The following ADAMTS12 variants were observed in gnomAD, a reference collection of about 807,000 sequenced individuals.
The protein encoded by ADAMTS12 is A disintegrin and metalloproteinase with thrombospondin motifs 12.
A neutral mutation model predicts 167.8 loss-of-function variants in ADAMTS12; 118 were observed. The observed-to-expected ratio is 0.70, with a 90% CI of 0.61 to 0.82. The LOEUF is 0.82. ADAMTS12 is among the 40% of genes least tolerant of loss of function. The pLI is 0.00. For missense variants in ADAMTS12, 1,916 were observed against 1,998.8 expected (o/e 0.96, Z 0.79); for synonymous variants, 704 against 716.9 (o/e 0.98, Z 0.29).
At chr5:33,712,036 G>C (rs577183298) in intron 3 of ADAMTS12, among the ~76,000 whole-genome samples, 1 of 152,222 alleles carries the variant, frequency 6.6e-6, no homozygotes, top group East Asian at 1.9e-4. Flanking sequence ...ACTCCTAAGT[G>C]ACTTTGTATA....
At chr5:33,540,944 C>T (rs1029791261) in intron 22 of ADAMTS12, among the ~76,000 whole-genome samples, 2 of 152,322 alleles carry the variant, frequency 1.3e-5, no homozygotes, top group African/African-American at 4.8e-5. Context: ...AGGATCGTAG[C>T]TCCTCACCAG....
chr5:33,596,109 T>G (rs745988975), intron 16 of ADAMTS12, 49 bp from the exon 17 acceptor site: 7 of 1,606,642 alleles, frequency 4.4e-6, no homozygotes, highest in Middle Eastern at 3.8e-4. Context: ...TGAGCCCACA[T>G]GCTCATGGTC....
chr5:33,560,867 T>C lies in ADAMTS12; in HGVS notation c.4125+160A>G, dbSNP rs1410999419. Among the ~76,000 whole-genome samples the C allele has an allele frequency of 2.7e-5, 4 of 147,454 alleles. No individual in the cohort carries two copies. The East Asian group carries it at 6.3e-4, about 23-fold the overall frequency. On this transcript the variant is annotated intron_variant, in intron 20 of 23. Transcript: ENST00000504830. Reference sequence around the variant, plus strand: ...CACACCAACATGACACATGTATACATATGTAACAAACCTGAACGTTGTGCA... The same window carrying C: ...CACACCAACATGACACATGTATACACATGTAACAAACCTGAACGTTGTGCA...
At chr5:33,583,736 A>C (rs547310735) in intron 18 of ADAMTS12, among the ~76,000 whole-genome samples, 27 of 152,340 alleles carry the variant, frequency 1.8e-4, no homozygotes, top group African/African-American at 6.3e-4. Flanking sequence ...CATTTCTCTG[A>C]TGATCAACGA....
chr5:33,539,089 G>A (rs1220782381), intron 22 of ADAMTS12, among the ~76,000 whole-genome samples: 4 of 152,084 alleles, frequency 2.6e-5, no homozygotes, highest in Non-Finnish European at 4.4e-5. Flanking sequence ...TTACAGGCAT[G>A]TACCACCATG....
chr5:33,885,393 C>T (rs931739536), intron 1 of ADAMTS12, among the ~76,000 whole-genome samples: 7 of 152,026 alleles, frequency 4.6e-5, no homozygotes, highest in Admixed American at 6.6e-5. Flanking sequence ...GTAGTTCCTC[C>T]GGGAGGCCGA....
chr5:33,643,604 A>C (rs1208212692), intron 9 of ADAMTS12, 134 bp from the exon 10 acceptor site: 1 of 749,818 alleles, frequency 1.3e-6, no homozygotes, highest in East Asian at 2.7e-5. Context: ...AGAGTGACAG[A>C]AAGCAATCAT....
chr5:33,881,892 A>C (rs78211086), intron 1 of ADAMTS12, among the ~76,000 whole-genome samples: 3,025 of 152,050 alleles, frequency 0.02, 52 homozygotes, highest in African/African-American at 0.045. Context: ...TTTAATTACA[A>C]AATCCCACTG....
At chr5:33,728,038 G>A (rs754044829) in intron 3 of ADAMTS12, among the ~76,000 whole-genome samples, 1 of 152,080 alleles carries the variant, frequency 6.6e-6, no homozygotes, top group South Asian at 2.1e-4. Context: ...CTAAGGAAAG[G>A]AACAAATATA....
At chr5:33,618,891 T>C (rs1050048042) in intron 14 of ADAMTS12, among the ~76,000 whole-genome samples, 1 of 152,058 alleles carries the variant, frequency 6.6e-6, no homozygotes, top group African/African-American at 2.4e-5. Context: ...ATCTTCAACG[T>C]TGTAATCCTT....
intron 2 of ADAMTS12, among the ~76,000 whole-genome samples, chr5:33,770,352 C>G (rs1745691629): frequency 6.6e-6 from 1 of 151,956 alleles, no homozygotes; most frequent in East Asian, 1.9e-4. Context: ...TCCATTTTTT[C>G]TCACTATTTA....
intron 20 of ADAMTS12, among the ~76,000 whole-genome samples, chr5:33,551,191 G>A (rs1268989189): frequency 6.6e-6 from 1 of 152,086 alleles, no homozygotes; most frequent in African/African-American, 2.4e-5. Flanking sequence ...AGTAGACATA[G>A]ACCCCAAATA....
At chr5:33,621,322 C>T (rs1028607754) in intron 14 of ADAMTS12, among the ~76,000 whole-genome samples, 6 of 150,760 alleles carry the variant, frequency 4.0e-5, no homozygotes, top group African/African-American at 1.5e-4. Flanking sequence ...ATTGCTTGAA[C>T]CCAGGAGGCA....
rs779484595 is a variant in ADAMTS12, at chr5:33,643,364, G to T, written c.1572+14C>A. On this transcript the variant is annotated intron_variant, in intron 10 of 23. Transcript: ENST00000504830. ...CACCGCCCTCCCACCTCATTCCTCGGCCTGACGCATCACCTTCTTCTCACC... is the reference window on the plus strand; with the variant it reads ...CACCGCCCTCCCACCTCATTCCTCGTCCTGACGCATCACCTTCTTCTCACC... 6.2e-7 allele frequency: 1 copy of T among 1,613,746 alleles called. No homozygotes were observed. The highest frequency in any genetic ancestry group is 2.2e-5 in the East Asian group (1 of 44,862).
chr5:33,849,437 AAT>A (rs528795462), intron 2 of ADAMTS12, among the ~76,000 whole-genome samples: 2,373 of 71,880 alleles, frequency 0.033, 154 homozygotes, highest in East Asian at 0.17. Flanking sequence ...ATTGAATAGC[AAT>A]ATATATATGT....
chr5:33,568,090 T>A (rs1336828057), intron 19 of ADAMTS12, among the ~76,000 whole-genome samples: 1 of 152,228 alleles, frequency 6.6e-6, no homozygotes, highest in Admixed American at 6.5e-5. Flanking sequence ...AAATCATGCT[T>A]GTAAAGCCTG....
intron 2 of ADAMTS12, among the ~76,000 whole-genome samples, chr5:33,839,742 A>T (rs1748673212): frequency 6.6e-6 from 1 of 152,130 alleles, no homozygotes; most frequent in South Asian, 2.1e-4. Context: ...GCCCACTCAA[A>T]AAGGTTGTAT....
At chr5:33,839,116 C>T (rs1164781113) in intron 2 of ADAMTS12, among the ~76,000 whole-genome samples, 1 of 152,174 alleles carries the variant, frequency 6.6e-6, no homozygotes, top group Non-Finnish European at 1.5e-5. Flanking sequence ...GGCAGAAGAG[C>T]GTTGAGATCA....
intron 5 of ADAMTS12, among the ~76,000 whole-genome samples, chr5:33,676,845 C>T (rs1741932333): frequency 1.3e-5 from 2 of 152,098 alleles, no homozygotes; most frequent in African/African-American, 4.8e-5. Context: ...TTAAAATCAG[C>T]AGGCTTTTAA....
Sources: gnomAD v4.1 joint callset for allele counts (sites outside exome capture counted in the v4.1 genomes callset) on GRCh38, gnomAD v4.1.1 for gene constraint, MANE v1.5 for transcripts, NCBI Gene and HGNC (gene_info 2026-07-23, HGNC 2026-07-21) for gene names.